Variants in CACNA1A observed in about 807,000 individuals in gnomAD.
CACNA1A encodes calcium voltage-gated channel subunit alpha1 A.
Under a neutral mutation model 262.4 loss-of-function variants are expected in CACNA1A, and 57 were observed. The observed-to-expected ratio is 0.22, with a 90% CI of 0.18 to 0.27. The LOEUF (loss-of-function observed/expected upper bound fraction) is 0.27. Ranked by LOEUF, CACNA1A falls within the 10% of genes least tolerant of loss-of-function variation. The pLI, the probability that CACNA1A is intolerant of heterozygous loss-of-function variation, is 1.00. For synonymous variants in CACNA1A, 1,431 were observed against 1,419.3 expected (o/e 1.01, Z -0.18); for missense variants, 2,526 against 3,562.8 (o/e 0.71, Z 7.41).
intron 4 of CACNA1A, 128 bp downstream of exon 4, chr19:13,371,560 C>G (rs1257141658): frequency 2.9e-6 from 2 of 691,210 alleles, no homozygotes; most frequent in East Asian, 5.4e-5. Context: ...TAGGGAGTCC[C>G]AAAGAAGAGA....
chr19:13,477,014 C>T (rs905668183), intron 1 of CACNA1A, among the ~76,000 whole-genome samples: 2 of 152,194 alleles, frequency 1.3e-5, no homozygotes, highest in South Asian at 2.1e-4. Flanking sequence ...AAGTCCTCCC[C>T]GCAGCCCATA....
chr19:13,268,491 TG>T (rs1425815791), intron 24 of CACNA1A, among the ~76,000 whole-genome samples: 1 of 151,092 alleles, frequency 6.6e-6, no homozygotes, highest in Non-Finnish European at 1.5e-5. Context: ...TGGAGTGCAG[TG>T]GCAAGATCTC....
At chr19:13,402,845 C>T (rs1193304507) in intron 3 of CACNA1A, among the ~76,000 whole-genome samples, 1 of 109,012 alleles carries the variant, frequency 9.2e-6, no homozygotes, top group Non-Finnish European at 1.8e-5. Flanking sequence ...CATATATATA[C>T]ACATATATAT....
chr19:13,216,839 T>C (rs2055031255), intron 38 of CACNA1A, among the ~76,000 whole-genome samples: 1 of 152,084 alleles, frequency 6.6e-6, no homozygotes, highest in Non-Finnish European at 1.5e-5. Flanking sequence ...TATTTGGATA[T>C]GCTAACTGGG....
At chr19:13,259,312 C>CTTATTTT (rs2056659291) in intron 27 of CACNA1A, 1 of 52,196 alleles carries the variant, frequency 1.9e-5, no homozygotes, top group Non-Finnish European at 3.7e-5. Context: ...TGCCTGGCAG[C>CTTATTTT]TTTTTTTTTT....
intron 19 of CACNA1A, among the ~76,000 whole-genome samples, chr19:13,294,771 G>T (rs1341062498): frequency 6.6e-6 from 1 of 152,044 alleles, no homozygotes; most frequent in African/African-American, 2.4e-5. Flanking sequence ...TTACAGGCGT[G>T]AACCATCACA....
chr19:13,304,007 T>C (rs1038539783), intron 15 of CACNA1A, 123 bp from the exon 16 acceptor site: 12 of 685,822 alleles, frequency 1.7e-5, no homozygotes, highest in Non-Finnish European at 3.1e-5. Context: ...TTAACAATCC[T>C]GCCCGGTTTG....
intron 6 of CACNA1A, among the ~76,000 whole-genome samples, chr19:13,351,540 G>A (rs1209977268): frequency 1.3e-5 from 2 of 151,290 alleles, no homozygotes; most frequent in South Asian, 2.1e-4. Flanking sequence ...ATGTAGTTTT[G>A]CTCTTGTTGC....
At chr19:13,454,469 C>T (rs2060970976) in intron 2 of CACNA1A, among the ~76,000 whole-genome samples, 1 of 152,022 alleles carries the variant, frequency 6.6e-6, no homozygotes, top group Non-Finnish European at 1.5e-5. Context: ...CTCCCGGGTT[C>T]AAGCGATTCT....
At chr19:13,491,705 G>A (rs1373245990) in intron 1 of CACNA1A, among the ~76,000 whole-genome samples, 1 of 152,152 alleles carries the variant, frequency 6.6e-6, no homozygotes, top group African/African-American at 2.4e-5. Context: ...GTGTGGTGGT[G>A]CACACCGATA....
intron 24 of CACNA1A, chr19:13,263,085 C>A: frequency 2.0e-6 from 1 of 496,556 alleles, no homozygotes; most frequent in Non-Finnish European, 3.7e-6. Context: ...TGCCATCTGG[C>A]TGGGCCTGAG....
At chr19:13,372,615 CT>C (rs544238545) in intron 3 of CACNA1A, among the ~76,000 whole-genome samples, 114 of 152,316 alleles carry the variant, frequency 7.5e-4, no homozygotes, top group African/African-American at 2.7e-3. Flanking sequence ...CAGTTTCCCC[CT>C]TTTGTATAAC....
intron 24 of CACNA1A, among the ~76,000 whole-genome samples, chr19:13,265,472 T>C (rs1242917102): frequency 6.6e-6 from 1 of 152,232 alleles, no homozygotes; most frequent in Admixed American, 6.5e-5. Context: ...TAGGCAGAGA[T>C]ATACTCCAGG....
At chr19:13,406,946 A>AAC (rs145151480) in intron 3 of CACNA1A, among the ~76,000 whole-genome samples, 4 of 150,432 alleles carry the variant, frequency 2.7e-5, no homozygotes, top group Non-Finnish European at 5.9e-5. Context: ...CACACACACA[A>AAC]ACACACACAC....
intron 3 of CACNA1A, among the ~76,000 whole-genome samples, chr19:13,406,565 G>C (rs2060014912): frequency 7.1e-6 from 1 of 141,806 alleles, no homozygotes; most frequent in Non-Finnish European, 1.5e-5. Flanking sequence ...CAGGGATTGA[G>C]CAGGAGGAGA....
chr19:13,505,639 G>A (rs1054552583), intron 1 of CACNA1A, among the ~76,000 whole-genome samples: 8 of 151,864 alleles, frequency 5.3e-5, no homozygotes, highest in Non-Finnish European at 1.2e-4. Context: ...GCTCCTGCAC[G>A]ACCCCAGGCC....
intron 28 of CACNA1A, 194 bp downstream of exon 28, chr19:13,257,156 T>A (rs1193438710): frequency 3.9e-6 from 2 of 510,760 alleles, no homozygotes; most frequent in East Asian, 6.3e-5. Flanking sequence ...CTAAACTGAC[T>A]GATACATACA....
chr19:13,332,388 A>T (rs2145123978), intron 9 of CACNA1A, among the ~76,000 whole-genome samples: 1 of 152,006 alleles, frequency 6.6e-6, no homozygotes, highest in African/African-American at 2.4e-5. Flanking sequence ...TGACAGAGCG[A>T]GACTCTGTCT....
chr19:13,403,179 A>T (rs2059941018), intron 3 of CACNA1A, among the ~76,000 whole-genome samples: 1 of 151,168 alleles, frequency 6.6e-6, no homozygotes, highest in Admixed American at 6.6e-5. Flanking sequence ...CCCCCACCTC[A>T]CTACCTCATA....
Sources: gnomAD v4.1 joint callset for allele counts (sites outside exome capture counted in the v4.1 genomes callset) on GRCh38, gnomAD v4.1.1 for gene constraint, MANE v1.5 for transcripts, NCBI Gene and HGNC (gene_info 2026-07-23, HGNC 2026-07-21) for gene names.